The following ARHGEF3 variants were observed in gnomAD, a reference collection of about 807,000 sequenced individuals.
ARHGEF3 encodes the protein Rho guanine nucleotide exchange factor 3.
ARHGEF3 carries 28 observed loss-of-function variants against 63.2 expected under a neutral mutation model. The observed-to-expected ratio is 0.44, with a 90% CI of 0.33 to 0.61. The LOEUF (loss-of-function observed/expected upper bound fraction) is 0.61, where lower values mean the gene tolerates loss of function less well. Among genes scored for constraint, ARHGEF3 ranks in the 20% least tolerant of loss-of-function variants. ARHGEF3 has a pLI of 0.03. For missense variants in ARHGEF3, 533 were observed against 659.3 expected, an observed-to-expected ratio of 0.81 and a Z score of 2.10; for synonymous variants, 266 against 254.2, an observed-to-expected ratio of 1.05 and a Z score of -0.44.
At chr3:56,919,204 T>C (rs1173222243) in intron 3 of ARHGEF3, among the ~76,000 whole-genome samples, 4 of 152,240 alleles carry the variant, frequency 2.6e-5, no homozygotes, top group African/African-American at 7.2e-5. Context: ...CAGGGTTTTA[T>C]GTAAAATCTC....
At chr3:56,731,546 T>A (rs1053017398) in intron 9 of ARHGEF3, 5 of 143,798 alleles carry the variant, frequency 3.5e-5, no homozygotes, top group Non-Finnish European at 1.5e-5. Flanking sequence ...AATAAATAAA[T>A]AAAAATAAAA....
chr3:56,734,814 C>T (rs2033487237), intron 8 of ARHGEF3, among the ~76,000 whole-genome samples: 1 of 152,004 alleles, frequency 6.6e-6, no homozygotes, highest in African/African-American at 2.4e-5. Flanking sequence ...GGATAAAGCA[C>T]AAAATAACCA....
In ARHGEF3 at chr3:57,054,476, GAA is replaced by G. The variant is rs368357673; in HGVS notation, c.-27-19302_-27-19301del. On this transcript the variant is annotated intron_variant, in intron 1 of 12. Coordinates refer to the ARHGEF3 transcript ENST00000338458. ...GAAACCCTATCTCTACAAAAAATAC[GAA>G]AAAAAAAAAAAAAGTCGGGCATGAT... is the stretch of plus-strand genomic sequence containing the variant. Among the ~76,000 whole-genome samples the G allele has an allele frequency of 3.4e-3, 437 of 126,948 alleles. 2 individuals are homozygous for G. Among genetic ancestry groups the G allele is most frequent in the Non-Finnish European group, 3.8e-3 (227 of 59,874 alleles). The allele number at this position is 126,948 out of a possible 152,430, so 83.3% of individuals were successfully genotyped here. A position where few individuals can be genotyped will look rare whatever the true frequency, so the allele number is the denominator to read the frequency against.
intron 2 of ARHGEF3, among the ~76,000 whole-genome samples, chr3:57,013,291 C>A (rs1374940001): frequency 1.3e-5 from 2 of 152,268 alleles, no homozygotes; most frequent in African/African-American, 2.4e-5. Context: ...AGCCCCCGGC[C>A]CTGGCATGGG....
chr3:56,866,224 T>C (rs1037478197), intron 4 of ARHGEF3, among the ~76,000 whole-genome samples: 57 of 152,132 alleles, frequency 3.7e-4, no homozygotes, highest in African/African-American at 1.3e-3. Flanking sequence ...TTAAGCTGAG[T>C]AGATCATCAG....
At chr3:56,813,850 C>T (rs770556592) in intron 4 of ARHGEF3, among the ~76,000 whole-genome samples, 3 of 152,116 alleles carry the variant, frequency 2.0e-5, no homozygotes, top group Non-Finnish European at 4.4e-5. Context: ...TCCTCCCTCC[C>T]ACACCCCCAC....
intron 1 of ARHGEF3, among the ~76,000 whole-genome samples, chr3:57,042,688 A>T (rs1463682060): frequency 0.13 from 1,137 of 8,798 alleles, 91 homozygotes; most frequent in East Asian, 0.27. Context: ...ATATATATAT[A>T]TATATATATA....
At chr3:56,754,181 G>C (rs577168268) in intron 3 of ARHGEF3, among the ~76,000 whole-genome samples, 2 of 152,352 alleles carry the variant, frequency 1.3e-5, no homozygotes, top group South Asian at 2.1e-4. Flanking sequence ...CTGTGTGGAA[G>C]AGTAGGTAAA....
At chr3:56,883,489 G>T (rs1024451319) in intron 3 of ARHGEF3, among the ~76,000 whole-genome samples, 45 of 152,020 alleles carry the variant, frequency 3.0e-4, no homozygotes, top group Admixed American at 1.8e-3. Flanking sequence ...TAGAGAGGGG[G>T]TCTTGCCATG....
intron 3 of ARHGEF3, chr3:56,898,577 G>T: frequency 3.8e-6 from 1 of 264,730 alleles, no homozygotes; most frequent in Non-Finnish European, 8.4e-6. Context: ...TTCCCCTAAA[G>T]CAGATCCTGG....
At chr3:56,750,009 A>T (rs1213350465) in intron 6 of ARHGEF3, among the ~76,000 whole-genome samples, 2 of 151,988 alleles carry the variant, frequency 1.3e-5, no homozygotes, top group Non-Finnish European at 2.9e-5. Flanking sequence ...TAGCAACAGT[A>T]GGATTTATAA....
At chr3:56,792,567 G>A (rs988239436) in intron 1 of ARHGEF3, among the ~76,000 whole-genome samples, 2 of 152,166 alleles carry the variant, frequency 1.3e-5, no homozygotes, top group South Asian at 2.1e-4. Context: ...CAAATCATTG[G>A]ACCTCTCTGA....
intron 3 of ARHGEF3, among the ~76,000 whole-genome samples, chr3:56,945,419 T>C (rs538840054): frequency 2.2e-4 from 34 of 152,290 alleles, no homozygotes; most frequent in Middle Eastern, 3.4e-3. Context: ...ACTCCCACCC[T>C]AATACTGAGC....
At position 56,936,459 on chromosome 3, in the gene ARHGEF3, T is replaced by G. The variant is rs1365611215; in HGVS notation, c.129+22364A>C. Reference sequence around the variant, plus strand: ...ATATGACAGCAGAGACACTCCCCACTCAGGGTCTGAGCTCTCATCAGCGTC... The same window carrying G: ...ATATGACAGCAGAGACACTCCCCACGCAGGGTCTGAGCTCTCATCAGCGTC... On this transcript the variant is annotated intron_variant, in intron 3 of 12. Coordinates refer to the ARHGEF3 transcript ENST00000338458. 2.0e-5 allele frequency among the ~76,000 whole-genome samples: 3 copies of G among 152,154 alleles called. 1 individual carries two copies. Among genetic ancestry groups the G allele is most frequent in the Non-Finnish European group, 4.4e-5 (3 of 68,032 alleles).
At chr3:56,784,399 A>G (rs1386673426) in intron 1 of ARHGEF3, among the ~76,000 whole-genome samples, 1 of 152,216 alleles carries the variant, frequency 6.6e-6, no homozygotes, top group Non-Finnish European at 1.5e-5. Context: ...GATGATGCCA[A>G]CAAGGCACCC....
chr3:57,042,203 T>C (rs189386835), intron 1 of ARHGEF3, among the ~76,000 whole-genome samples: 184 of 152,182 alleles, frequency 1.2e-3, no homozygotes, highest in Non-Finnish European at 2.4e-3. Flanking sequence ...TGAGGAGACA[T>C]ACCCTATGAA....
intron 2 of ARHGEF3, among the ~76,000 whole-genome samples, chr3:57,030,218 C>T (rs909454720): frequency 6.6e-6 from 1 of 152,218 alleles, no homozygotes; most frequent in East Asian, 1.9e-4. Context: ...GAGCCACACA[C>T]GGGGAGGGCC....
At chr3:56,746,567 TA>T (rs1322718784) in intron 6 of ARHGEF3, among the ~76,000 whole-genome samples, 5 of 151,812 alleles carry the variant, frequency 3.3e-5, no homozygotes, top group Admixed American at 3.3e-4. Context: ...CCATCTCTAC[TA>T]AAAATACAAA....
chr3:56,827,978 T>C (rs7640115), intron 4 of ARHGEF3, among the ~76,000 whole-genome samples: 118,707 of 135,660 alleles, frequency 0.88, 51,999 homozygotes, highest in East Asian at 0.92. Flanking sequence ...AAGGCATACC[T>C]TAACCTCAAG....
Sources: allele counts gnomAD v4.1 joint callset (sites outside exome capture counted in the v4.1 genomes callset), GRCh38; gene constraint gnomAD v4.1.1; transcripts MANE v1.5; gene names NCBI Gene and HGNC (gene_info 2026-07-23, HGNC 2026-07-21).